Variants in AOX1 observed in about 807,000 individuals in gnomAD.
AOX1 encodes aldehyde oxidase 1.
Under a neutral mutation model 169.5 loss-of-function variants are expected in AOX1, and 153 were observed. That is an observed-to-expected ratio of 0.90 (90% CI 0.79 to 1.03). AOX1 has a LOEUF of 1.03. Among genes scored for constraint, AOX1 ranks in the 50% least tolerant of loss-of-function variants. The probability of loss-of-function intolerance (pLI) is 0.00; values close to 1 mark genes in which losing one functional copy is unlikely to be tolerated. For missense variants in AOX1, 1,656 were observed against 1,663.9 expected, an observed-to-expected ratio of 1.00 and a Z score of 0.08; for synonymous variants, 562 against 581.9, an observed-to-expected ratio of 0.97 and a Z score of 0.49.
At chr2:200,617,995 C>T (rs1457234929) in intron 16 of AOX1, among the ~76,000 whole-genome samples, 1 of 152,162 alleles carries the variant, frequency 6.6e-6, no homozygotes, top group Non-Finnish European at 1.5e-5. Context: ...ATTCCTTTGC[C>T]ATGGGGACAG....
chr2:200,638,783 A>T (rs777779422), intron 23 of AOX1, among the ~76,000 whole-genome samples: 1 of 152,222 alleles, frequency 6.6e-6, no homozygotes, highest in Non-Finnish European at 1.5e-5. Context: ...GAAAATAGTG[A>T]TTCTTTTGCT....
chr2:200,680,317 C>A (rs2036141261), downstream of AOX1, among the ~76,000 whole-genome samples: 1 of 152,094 alleles, frequency 6.6e-6, no homozygotes, highest in Non-Finnish European at 1.5e-5. Context: ...CACCCCACAC[C>A]AAACCAAGTT....
At chr2:200,665,740 C>T (rs1339482818) in intron 31 of AOX1, among the ~76,000 whole-genome samples, 1 of 152,176 alleles carries the variant, frequency 6.6e-6, no homozygotes, top group Non-Finnish European at 1.5e-5. Context: ...CCTAAGCACA[C>T]AGCTTTGAAA....
At chr2:200,668,013 TC>T (rs1252922135) in intron 32 of AOX1, among the ~76,000 whole-genome samples, 4 of 152,240 alleles carry the variant, frequency 2.6e-5, no homozygotes, top group Admixed American at 2.6e-4. Flanking sequence ...TGAAGACTCT[TC>T]CTGAGCACTC....
At chr2:200,634,605 T>G (rs113364297) in intron 20 of AOX1, among the ~76,000 whole-genome samples, 186 bp from the exon 21 acceptor site, 117 of 152,314 alleles carry the variant, frequency 7.7e-4, no homozygotes, top group African/African-American at 2.8e-3. Context: ...ACACAAAAGA[T>G]TCTCCTATAG....
intron 19 of AOX1, among the ~76,000 whole-genome samples, chr2:200,624,426 G>A (rs2034958995): frequency 6.6e-6 from 1 of 152,182 alleles, no homozygotes; most frequent in African/African-American, 2.4e-5. Flanking sequence ...TCTGAAGTAA[G>A]TGGGCTATGT....
chr2:200,614,031 G>A (rs779661417), intron 15 of AOX1, 65 bp downstream of exon 15: 28 of 1,441,446 alleles, frequency 1.9e-5, no homozygotes, highest in South Asian at 5.0e-5. Context: ...AAAAGTAGAG[G>A]CAATGACTCC....
At chr2:200,676,615 AAGAAGAAG>A (rs2036103564) in intron 4 of AOX1, among the ~76,000 whole-genome samples, 1 of 140,134 alleles carries the variant, frequency 7.1e-6, no homozygotes, top group African/African-American at 2.9e-5. Flanking sequence ...AAAAAAAAAA[AAGAAGAAG>A]AAGAAGAAGA....
chr2:200,609,071 A>G lies in AOX1; in HGVS notation c.995A>G (p.Gln332Arg), dbSNP rs1174665586. 1.9e-6 allele frequency: 3 copies of G among 1,614,112 alleles called. No homozygotes were observed. Among genetic ancestry groups the G allele is most frequent in the Non-Finnish European group, 2.5e-6 (3 of 1,180,006 alleles). ...VVQKLPEEKT[Q>R]MYHALLKHLG... ...CAGAAGCTTCCAGAGGAGAAGACACAGATGTACCATGCTCTCCTGAAGCAT... is the reference window on the plus strand; with the variant it reads ...CAGAAGCTTCCAGAGGAGAAGACACGGATGTACCATGCTCTCCTGAAGCAT... Residue 332 changes from glutamine (Q) to arginine (R), a missense_variant, in exon 11 of 35, where the codon CAG (glutamine) becomes CGG (arginine). Gln to Arg is a conservative substitution (Grantham distance 43, BLOSUM62 1). Coordinates refer to ENST00000374700, the MANE Select transcript of AOX1 (RefSeq NM_001159.4).
At chr2:200,600,082 G>A (rs1247812015) in intron 5 of AOX1, among the ~76,000 whole-genome samples, 2 of 152,154 alleles carry the variant, frequency 1.3e-5, no homozygotes, top group African/African-American at 4.8e-5. Flanking sequence ...TTTCATAAAT[G>A]GAGAAACTGA....
At chr2:200,597,085 A>C (rs373284713) in intron 3 of AOX1, among the ~76,000 whole-genome samples, 2 of 152,306 alleles carry the variant, frequency 1.3e-5, no homozygotes, top group East Asian at 3.9e-4. Flanking sequence ...TCAACCCCTC[A>C]TTCAAGAGCA....
chr2:200,670,765 G>C lies in AOX1; in HGVS notation c.*86G>C. 1 of 1,068,738 alleles carries C rather than the reference G, an allele frequency of 9.4e-7. No homozygotes were observed. The highest frequency in any genetic ancestry group is 1.4e-6 in the Non-Finnish European group (1 of 708,564). The allele number at this position is 1,068,738 out of a possible 1,614,324, so 66.2% of individuals were successfully genotyped here. ...CTCTGTGCTGGAAGATGCTAGATCT[G>C]AAAGACAGAGTTTCCACAGTTCAGA... On this transcript the variant is annotated 3_prime_UTR_variant, in exon 35 of 35. Transcript: ENST00000374700.
At chr2:200,654,692 A>G (rs1370588101) in intron 26 of AOX1, among the ~76,000 whole-genome samples, 2 of 152,196 alleles carry the variant, frequency 1.3e-5, no homozygotes, top group African/African-American at 4.8e-5. Flanking sequence ...TGCGGGTTTG[A>G]AGCTAACTTC....
intron 1 of AOX1, among the ~76,000 whole-genome samples, chr2:200,587,491 C>T (rs542385706): frequency 3.9e-5 from 6 of 152,156 alleles, no homozygotes; most frequent in Non-Finnish European, 7.4e-5. Flanking sequence ...AGTTGTGAGG[C>T]CTGTTCTAAG....
chr2:200,611,707 A>AT (rs56096001), intron 13 of AOX1, among the ~76,000 whole-genome samples: 53,780 of 144,208 alleles, frequency 0.37, 10,051 homozygotes, highest in East Asian at 0.47. Flanking sequence ...GAATTAGGAG[A>AT]TTTTTTTTTT....
At chr2:200,623,309 C>A (rs759850535) in intron 18 of AOX1, among the ~76,000 whole-genome samples, 2 of 152,222 alleles carry the variant, frequency 1.3e-5, no homozygotes, top group Non-Finnish European at 2.9e-5. Flanking sequence ...AGCTGTCAAC[C>A]CCCCCAGGAA....
At chr2:200,663,565 C>CAT (rs1482566627) in intron 31 of AOX1, among the ~76,000 whole-genome samples, 145 of 130,866 alleles carry the variant, frequency 1.1e-3, no homozygotes, top group African/African-American at 3.8e-3. Context: ...CACACACACA[C>CAT]ACACACACTC....
intron 28 of AOX1, 108 bp downstream of exon 28, chr2:200,659,401 C>T (rs1005250842): frequency 1.8e-5 from 22 of 1,238,540 alleles, no homozygotes; most frequent in Middle Eastern, 5.5e-4. Context: ...ATATCTCCTT[C>T]CCCATCTTGC....
intron 25 of AOX1, among the ~76,000 whole-genome samples, chr2:200,643,567 G>A (rs369126000): frequency 1.3e-5 from 2 of 152,248 alleles, no homozygotes; most frequent in East Asian, 3.9e-4. Flanking sequence ...CCTCTGGGTA[G>A]ACACCCAGTA....
Sources: allele counts gnomAD v4.1 joint callset (sites outside exome capture counted in the v4.1 genomes callset), GRCh38; gene constraint gnomAD v4.1.1; transcripts MANE v1.5; gene names NCBI Gene and HGNC (gene_info 2026-07-23, HGNC 2026-07-21).